CDIN1: variants seen among roughly 807,000 people sequenced by gnomAD.
CDIN1 encodes CDAN1 interacting nuclease 1.
In CDIN1, 33 loss-of-function variants were observed where a neutral mutation model predicts 45.3. That is an observed-to-expected ratio of 0.73 (90% confidence interval 0.55 to 0.97). The LOEUF (loss-of-function observed/expected upper bound fraction) is 0.97. Among genes scored for constraint, CDIN1 ranks in the 50% least tolerant of loss-of-function variants. CDIN1 has a pLI of 0.00. For missense variants in CDIN1, 303 were observed against 339.4 expected, an observed-to-expected ratio of 0.89 and a Z score of 0.84; for synonymous variants, 118 against 124.4, an observed-to-expected ratio of 0.95 and a Z score of 0.34.
chr15:36,797,740 G>A (rs1204135058), intron 10 of CDIN1, among the ~76,000 whole-genome samples: 2 of 152,138 alleles, frequency 1.3e-5, no homozygotes, highest in African/African-American at 4.8e-5. Context: ...AGCACTTTGG[G>A]GGGCCGAGGC....
rs137864193 is a variant in CDIN1 at position 36,635,722 on chromosome 15, ATAAAAGAAAT to A, written c.102-8550_102-8541del. ...AGAATTAAACTTTGTTCGGGGAGTT[ATAAAAGAAAT>A]TAAAACATTCTGCAGGGAACTTATA... On this transcript the variant is annotated intron_variant, in intron 1 of 10. Transcript: ENST00000566621. Among the ~76,000 whole-genome samples the A allele has an allele frequency of 6.3e-3, 967 of 152,372 alleles. 6 individuals carry two copies. The highest frequency in any genetic ancestry group is 0.022 in the African/African-American group (896 of 41,598).
At chr15:36,638,607 C>CT (rs2039992172) in intron 1 of CDIN1, among the ~76,000 whole-genome samples, 2 of 152,204 alleles carry the variant, frequency 1.3e-5, no homozygotes, top group African/African-American at 4.8e-5. Flanking sequence ...ACCACACAGT[C>CT]TTTTAATCCT....
At chr15:36,741,199 C>G (rs1440401182) in intron 10 of CDIN1, among the ~76,000 whole-genome samples, 1 of 152,088 alleles carries the variant, frequency 6.6e-6, no homozygotes, top group African/African-American at 2.4e-5. Context: ...AAAATATATC[C>G]CAGAACCACC....
chr15:36,664,227 A>G (rs925857544), intron 5 of CDIN1, among the ~76,000 whole-genome samples: 1 of 152,194 alleles, frequency 6.6e-6, no homozygotes, highest in African/African-American at 2.4e-5. Context: ...CACAGTTTAT[A>G]GAAGAGTTTT....
In CDIN1 at chr15:36,808,240, T is replaced by G; in HGVS notation, c.717-84T>G. The G allele has an allele frequency of 4.5e-6, 7 of 1,554,130 alleles. No individual in the cohort carries two copies. In the South Asian group the frequency reaches 7.3e-5, roughly 16 times the overall value. On this transcript the variant is annotated intron_variant, in intron 10 of 10. Coordinates refer to ENST00000566621, the MANE Select transcript of CDIN1 (RefSeq NM_001321759.2). ...AATTTTGTGCAGTCCTGTCATTTAA[T>G]CATCTTATCAGTGCCCCAAGGTGAC...
chr15:36,758,425 G>C (rs1729900053), intron 10 of CDIN1, among the ~76,000 whole-genome samples: 1 of 152,134 alleles, frequency 6.6e-6, no homozygotes, highest in Admixed American at 6.5e-5. Flanking sequence ...GAGCCACTTT[G>C]CCTCTCTGTG....
intron 5 of CDIN1, among the ~76,000 whole-genome samples, chr15:36,664,459 A>C (rs2041161885): frequency 6.6e-6 from 1 of 152,244 alleles, no homozygotes; most frequent in African/African-American, 2.4e-5. Context: ...TCAAGAATGA[A>C]TACCTTATTG....
At chr15:36,753,286 A>G (rs1269991980) in intron 10 of CDIN1, among the ~76,000 whole-genome samples, 1 of 152,100 alleles carries the variant, frequency 6.6e-6, no homozygotes, top group Non-Finnish European at 1.5e-5. Flanking sequence ...ACAGGCAGCA[A>G]ATTTAGCATG....
chr15:36,630,726 G>C (rs1246542618), intron 1 of CDIN1, among the ~76,000 whole-genome samples: 1 of 152,174 alleles, frequency 6.6e-6, no homozygotes, highest in African/African-American at 2.4e-5. Flanking sequence ...CAGGGTGCTG[G>C]CTTCTGCTTC....
At chr15:36,668,467 G>T (rs945567322) in intron 5 of CDIN1, among the ~76,000 whole-genome samples, 24 of 152,088 alleles carry the variant, frequency 1.6e-4, no homozygotes, top group African/African-American at 5.1e-4. Flanking sequence ...AGTTAGAAAG[G>T]ACAAGAGCTG....
intron 8 of CDIN1, chr15:36,708,032 A>G (rs1243510220): frequency 6.6e-6 from 1 of 152,186 alleles, no homozygotes; most frequent in African/African-American, 2.4e-5. Flanking sequence ...TTAAATGTCT[A>G]CTTTAAATAT....
chr15:36,615,193 T>C (rs893384349), intron 1 of CDIN1, among the ~76,000 whole-genome samples: 1 of 152,244 alleles, frequency 6.6e-6, no homozygotes, highest in African/African-American at 2.4e-5. Context: ...TTTGGGTTTG[T>C]GGCACCCTGG....
At chr15:36,604,864 T>G (rs2140247434) in intron 1 of CDIN1, among the ~76,000 whole-genome samples, 1 of 152,306 alleles carries the variant, frequency 6.6e-6, no homozygotes, top group African/African-American at 2.4e-5. Flanking sequence ...TCTTTTTGTT[T>G]ATGTGGTCAC....
At chr15:36,768,234 T>G (rs1458078770) in intron 10 of CDIN1, among the ~76,000 whole-genome samples, 2 of 152,224 alleles carry the variant, frequency 1.3e-5, no homozygotes, top group Admixed American at 1.3e-4. Context: ...CATGGCATTG[T>G]GGAAGAAAGC....
intron 10 of CDIN1, among the ~76,000 whole-genome samples, chr15:36,760,534 C>G (rs116416159): frequency 7.7e-4 from 118 of 152,300 alleles, no homozygotes; most frequent in African/African-American, 2.7e-3. Context: ...TAATTCATCT[C>G]TAAAGTTATT....
At chr15:36,628,866 C>T (rs1203122942) in intron 1 of CDIN1, among the ~76,000 whole-genome samples, 1 of 152,060 alleles carries the variant, frequency 6.6e-6, no homozygotes, top group African/African-American at 2.4e-5. Context: ...CCTAGAATAC[C>T]AGGATGGGCC....
At chr15:36,636,198 A>C (rs1352022622) in intron 1 of CDIN1, among the ~76,000 whole-genome samples, 1 of 152,238 alleles carries the variant, frequency 6.6e-6, no homozygotes, top group Non-Finnish European at 1.5e-5. Flanking sequence ...GTCATTACAA[A>C]GAGCCACAAT....
At chr15:36,786,669 G>A (rs1223824137) in intron 10 of CDIN1, among the ~76,000 whole-genome samples, 3 of 152,074 alleles carry the variant, frequency 2.0e-5, no homozygotes, top group African/African-American at 7.2e-5. Context: ...TGCTGTGTCT[G>A]CTTTTATCTC....
intron 10 of CDIN1, among the ~76,000 whole-genome samples, chr15:36,773,691 A>C (rs2054136518): frequency 6.6e-6 from 1 of 152,264 alleles, no homozygotes; most frequent in South Asian, 2.1e-4. Flanking sequence ...AACCTGGCAC[A>C]TTCAAAGAAC....
Sources: gnomAD v4.1 joint callset for allele counts (sites outside exome capture counted in the v4.1 genomes callset) on GRCh38, gnomAD v4.1.1 for gene constraint, MANE v1.5 for transcripts, NCBI Gene and HGNC (gene_info 2026-07-23, HGNC 2026-07-21) for gene names.